SULT2B1: variants seen among roughly 807,000 people sequenced by gnomAD.
The protein encoded by SULT2B1 is sulfotransferase family 2B member 1.
SULT2B1 carries 16 observed loss-of-function variants against 33.2 expected under a neutral mutation model. The observed-to-expected ratio is 0.48, with a 90% CI of 0.33 to 0.73. SULT2B1 has a LOEUF of 0.73. Among genes scored for constraint, SULT2B1 ranks in the 30% least tolerant of loss-of-function variants. SULT2B1 has a pLI of 0.02. For missense variants in SULT2B1, 500 were observed against 506.0 expected, an observed-to-expected ratio of 0.99 and a Z score of 0.11; for synonymous variants, 186 against 200.5, an observed-to-expected ratio of 0.93 and a Z score of 0.61.
intron 1 of SULT2B1, among the ~76,000 whole-genome samples, chr19:48,556,874 C>A (rs1049488459): frequency 3.3e-5 from 5 of 151,750 alleles, no homozygotes; most frequent in Non-Finnish European, 7.4e-5. Context: ...CGCTTGAACC[C>A]AGGAGGCGGA....
intron 1 of SULT2B1, among the ~76,000 whole-genome samples, chr19:48,567,724 C>A (rs1421081905): frequency 1.3e-5 from 2 of 152,102 alleles, no homozygotes; most frequent in Non-Finnish European, 2.9e-5. Flanking sequence ...AACCCCAGCA[C>A]TCTGGGAGGC....
chr19:48,566,831 G>T (rs1973249062), intron 1 of SULT2B1, among the ~76,000 whole-genome samples: 1 of 148,966 alleles, frequency 6.7e-6, no homozygotes, highest in African/African-American at 2.5e-5. Flanking sequence ...GACACAGTGA[G>T]ACTCTGTCAA....
At position 48,576,070 on chromosome 19, in the gene SULT2B1, C is replaced by T. The variant is rs1424829717; in HGVS notation, c.201C>T (p.Thr67=). 1 of 1,611,918 alleles carries T rather than the reference C, an allele frequency of 6.2e-7. No individual in the cohort carries two copies. The highest frequency in any genetic ancestry group is 8.5e-7 in the Non-Finnish European group (1 of 1,179,142). Residue 67 remains threonine, a synonymous_variant, in exon 2 of 7, where the codon ACC becomes ACT. Transcript: ENST00000201586. ...DVRDDDIFII[T]YPKSGTTWMI... Reference sequence around the variant, plus strand: ...GGGACGACGACATCTTTATCATCACCTACCCCAAGTCAGGTACCTGCCGGG... The same window carrying T: ...GGGACGACGACATCTTTATCATCACTTACCCCAAGTCAGGTACCTGCCGGG...
intron 1 of SULT2B1, among the ~76,000 whole-genome samples, chr19:48,553,119 GC>G (rs1973050398): frequency 6.6e-6 from 1 of 152,006 alleles, no homozygotes; most frequent in South Asian, 2.1e-4. Context: ...GAGCGCAGAG[GC>G]CCAGAGAGGG....
chr19:48,556,256 C>A (rs1261765360), intron 1 of SULT2B1, among the ~76,000 whole-genome samples: 2 of 152,150 alleles, frequency 1.3e-5, no homozygotes, highest in Admixed American at 6.6e-5. Context: ...TCCCTGATCA[C>A]GCTGGTCTAG....
At chr19:48,598,996 G>C (rs1973760703) in intron 6 of SULT2B1, 139 bp from the exon 7 acceptor site, 1 of 1,427,638 alleles carries the variant, frequency 7.0e-7, no homozygotes, top group African/African-American at 1.4e-5. Context: ...GCAATGTGGA[G>C]GGTAGGGAGG....
intron 4 of SULT2B1, among the ~76,000 whole-genome samples, chr19:48,592,245 T>C (rs1312042207): frequency 6.6e-6 from 1 of 151,924 alleles, no homozygotes; most frequent in African/African-American, 2.4e-5. Context: ...TGAGCCAAGA[T>C]CGTGCCACTG....
chr19:48,552,208 C>T lies in SULT2B1; in HGVS notation c.-45C>T. Reference sequence around the variant, plus strand: ...CTGCGCACACCTGGCCTCTGTGCCGCCTGCTCCCTGCTCGTCCTCCCCTCC... The same window carrying T: ...CTGCGCACACCTGGCCTCTGTGCCGTCTGCTCCCTGCTCGTCCTCCCCTCC... On this transcript the variant is annotated 5_prime_UTR_variant, in exon 1 of 7. Coordinates refer to ENST00000201586, the MANE Select transcript of SULT2B1 (RefSeq NM_177973.2). The surrounding 1 kb of genome is among the most constrained non-coding windows in gnomAD (Gnocchi z 4.8). 2 of 1,597,484 alleles carry T rather than the reference C, an allele frequency of 1.3e-6. No individual in the cohort carries two copies. The highest frequency in any genetic ancestry group is 1.7e-6 in the Non-Finnish European group (2 of 1,167,598).
chr19:48,597,565 A>G (rs1187038879), intron 6 of SULT2B1, among the ~76,000 whole-genome samples: 3 of 151,652 alleles, frequency 2.0e-5, no homozygotes, highest in Non-Finnish European at 4.4e-5. Context: ...GGATGGTCTC[A>G]ATCTCCTGAC....
rs572682751 is a variant in SULT2B1, at chr19:48,599,110, C to T, written c.827-25C>T. The T allele has an allele frequency of 2.0e-5, 31 of 1,552,352 alleles. No homozygotes were observed. Among genetic ancestry groups the T allele is most frequent in the South Asian group, 3.5e-5 (3 of 84,846 alleles). On this transcript the variant is annotated intron_variant, in intron 6 of 6. Coordinates refer to ENST00000201586, the MANE Select transcript of SULT2B1 (RefSeq NM_177973.2). This position sits in a 1 kb window ranked among gnomAD's most constrained non-coding sequence, Gnocchi z 4.1. Reference sequence around the variant, plus strand: ...CGCAGTGCTCCCCAGAGGCTCCTCACCCCCTGGTGCCCCCTCTTCTCCAGG... The same window carrying T: ...CGCAGTGCTCCCCAGAGGCTCCTCATCCCCTGGTGCCCCCTCTTCTCCAGG...
chr19:48,582,830 G>A (rs1053307993), intron 2 of SULT2B1, among the ~76,000 whole-genome samples: 4 of 151,494 alleles, frequency 2.6e-5, no homozygotes, highest in Non-Finnish European at 4.4e-5. Context: ...GCAACAGAGC[G>A]AGACCCTGTC....
At chr19:48,586,353 T>TG (rs925580588) in intron 2 of SULT2B1, among the ~76,000 whole-genome samples, 12 of 152,274 alleles carry the variant, frequency 7.9e-5, no homozygotes, top group Middle Eastern at 3.4e-3. Context: ...AGGAAGTTGG[T>TG]GGGGGGATAT....
chr19:48,571,757 G>C (rs1973332302), intron 1 of SULT2B1, among the ~76,000 whole-genome samples: 1 of 152,072 alleles, frequency 6.6e-6, no homozygotes, highest in Non-Finnish European at 1.5e-5. Flanking sequence ...TCAGGAGTGA[G>C]TGACAGGTGT....
rs758246606 is a variant in SULT2B1, at chr19:48,591,711, C to T, written c.526C>T (p.Leu176=). 1 of 1,607,954 alleles carries T rather than the reference C, an allele frequency of 6.2e-7. No homozygotes were observed. Among genetic ancestry groups the T allele is most frequent in the South Asian group, 1.1e-5 (1 of 90,190 alleles). The change falls in exon 4 of 7, where the codon CTG becomes TTG. Residue 176 remains leucine, a synonymous_variant. Coordinates refer to ENST00000201586, the MANE Select transcript of SULT2B1 (RefSeq NM_177973.2). ...LKDPGTPDQF[L]RDFLKGEVQF... ...GGACCCGGGCACACCCGACCAGTTC[C>T]TGAGGGACTTCCTCAAAGGCGAAGG...
chr19:48,597,466 C>T (rs1973734967), intron 6 of SULT2B1, among the ~76,000 whole-genome samples: 1 of 150,268 alleles, frequency 6.7e-6, no homozygotes, highest in Admixed American at 6.7e-5. Flanking sequence ...TCCTCAGCAT[C>T]CTTAAGTAGC....
intron 1 of SULT2B1, among the ~76,000 whole-genome samples, chr19:48,564,195 G>A (rs967999332): frequency 1.3e-5 from 2 of 150,574 alleles, no homozygotes; most frequent in Non-Finnish European, 3.0e-5. Context: ...GCAGTGAGCC[G>A]AGATAGCACC....
intron 1 of SULT2B1, among the ~76,000 whole-genome samples, chr19:48,571,652 C>T (rs537396762): frequency 8.0e-4 from 69 of 86,340 alleles, no homozygotes; most frequent in Non-Finnish European, 1.6e-3. Context: ...AAAAAAACAC[C>T]AGATTTTTTT....
At chr19:48,554,630 A>ACCT (rs1973072432) in intron 1 of SULT2B1, among the ~76,000 whole-genome samples, 1 of 8,570 alleles carries the variant, frequency 1.2e-4, no homozygotes, top group African/African-American at 5.6e-4. Flanking sequence ...CAGCCTCCTC[A>ACCT]CCTGCATTCC....
rs1054021625 is a variant in SULT2B1, at chr19:48,557,199, C to T, written c.71+4876C>T. Among the ~76,000 whole-genome samples, 6 of 152,230 alleles carry T rather than the reference C, an allele frequency of 3.9e-5. No homozygotes were observed. The South Asian group carries it at 8.3e-4, about 21-fold the overall frequency. On this transcript the variant is annotated intron_variant, in intron 1 of 6. Transcript: ENST00000201586. ...GCCCAGAGATATCAGCAAGATGCAT[C>T]GCTCAGAATGTTCTAGTTTATGGGG...
Sources: gnomAD v4.1 joint callset for allele counts (sites outside exome capture counted in the v4.1 genomes callset) on GRCh38, gnomAD v4.1.1 for gene constraint, Gnocchi (gnomAD v3.1) non-coding constraint, MANE v1.5 for transcripts, NCBI Gene and HGNC (gene_info 2026-07-23, HGNC 2026-07-21) for gene names.